PIK3AP1: variants seen among roughly 807,000 people sequenced by gnomAD.
The protein encoded by PIK3AP1 is phosphoinositide-3-kinase adaptor protein 1, also known as phosphoinositide 3-kinase adapter protein 1.
Under a neutral mutation model 88.1 loss-of-function variants are expected in PIK3AP1, and 21 were observed. The observed-to-expected ratio is 0.24, with a 90% CI of 0.17 to 0.34. The LOEUF (loss-of-function observed/expected upper bound fraction) is 0.34, where lower values mean the gene tolerates loss of function less well. Among genes scored for constraint, PIK3AP1 ranks in the 10% least tolerant of loss-of-function variants. The pLI, the probability that PIK3AP1 is intolerant of heterozygous loss-of-function variation, is 1.00. For missense variants in PIK3AP1, 828 were observed against 1,035.7 expected (o/e 0.80, Z 2.75); for synonymous variants, 398 against 400.0 (o/e 1.00, Z 0.06).
intron 2 of PIK3AP1, among the ~76,000 whole-genome samples, chr10:96,698,305 G>C (rs527999395): frequency 6.2e-4 from 95 of 152,118 alleles, no homozygotes; most frequent in African/African-American, 2.0e-3. Flanking sequence ...AACAAAGAAG[G>C]GGGGAGTGGG....
chr10:96,628,598 A>G, intron 8 of PIK3AP1, 105 bp from the exon 9 acceptor site: 1 of 915,778 alleles, frequency 1.1e-6, no homozygotes, highest in Non-Finnish European at 1.8e-6. Flanking sequence ...AAGAGATTCA[A>G]GCATTCATCA....
chr10:96,712,028 AC>A (rs1327352522), intron 1 of PIK3AP1, among the ~76,000 whole-genome samples: 1 of 151,804 alleles, frequency 6.6e-6, no homozygotes, highest in Non-Finnish European at 1.5e-5. Flanking sequence ...TGCTGGAATT[AC>A]AGGCGTGAGC....
Position 96,709,930 on chromosome 10 carries a change from A to G in PIK3AP1, c.67T>C (p.Trp23Arg). Reference sequence around the variant, plus strand: ...AACAGGGTCTGCAGGTACTGGCACCATTCCTCGGCATCCGGGCTGTAGACG... The same window carrying G: ...AACAGGGTCTGCAGGTACTGGCACCGTTCCTCGGCATCCGGGCTGTAGACG... ...LIVYSPDAEE[W>R]CQYLQTLFLS... The change falls in exon 2 of 17, where the codon TGG (tryptophan) becomes CGG (arginine). Residue 23 changes from tryptophan (W) to arginine (R), a missense_variant. By Grantham distance (101) the Trp-to-Arg change is moderately radical. Coordinates refer to ENST00000339364, the MANE Select transcript of PIK3AP1 (RefSeq NM_152309.3). 1 of 1,607,584 alleles carries G rather than the reference A, an allele frequency of 6.2e-7. No homozygotes were observed. Among genetic ancestry groups the G allele is most frequent in the Non-Finnish European group, 8.5e-7 (1 of 1,175,386 alleles).
intron 1 of PIK3AP1, among the ~76,000 whole-genome samples, chr10:96,717,031 G>C (rs1401396037): frequency 6.6e-6 from 1 of 152,146 alleles, no homozygotes; most frequent in Non-Finnish European, 1.5e-5. Flanking sequence ...GGAGGCTAAG[G>C]AGGGCAGATC....
chr10:96,673,994 C>T (rs1843883338), intron 2 of PIK3AP1, among the ~76,000 whole-genome samples: 1 of 152,168 alleles, frequency 6.6e-6, no homozygotes, highest in African/African-American at 2.4e-5. Context: ...GGGTAACTTT[C>T]TGTTCTCATC....
At chr10:96,624,855 A>C (rs1843133885) in intron 10 of PIK3AP1, among the ~76,000 whole-genome samples, 1 of 152,042 alleles carries the variant, frequency 6.6e-6, no homozygotes, top group Non-Finnish European at 1.5e-5. Context: ...TTGAGGAATC[A>C]CCTGTGCCCC....
chr10:96,654,508 G>A (rs1192591786), intron 3 of PIK3AP1, among the ~76,000 whole-genome samples: 3 of 152,150 alleles, frequency 2.0e-5, no homozygotes, highest in Non-Finnish European at 4.4e-5. Flanking sequence ...ATGTGCTGTG[G>A]TGGTCGTCCC....
intron 2 of PIK3AP1, among the ~76,000 whole-genome samples, chr10:96,697,295 T>G (rs1844234392): frequency 1.3e-5 from 2 of 152,204 alleles, no homozygotes; most frequent in South Asian, 4.1e-4. Flanking sequence ...CACATCACCC[T>G]AATGAAGCTA....
intron 2 of PIK3AP1, among the ~76,000 whole-genome samples, chr10:96,698,923 A>G (rs527947365): frequency 1.1e-4 from 17 of 152,286 alleles, no homozygotes; most frequent in Non-Finnish European, 2.2e-4. Context: ...CACGCCTGTA[A>G]TCCCAGCACT....
At chr10:96,683,386 T>A (rs1489047515) in intron 2 of PIK3AP1, among the ~76,000 whole-genome samples, 1 of 152,206 alleles carries the variant, frequency 6.6e-6, no homozygotes, top group Non-Finnish European at 1.5e-5. Context: ...TACAATGCTG[T>A]AAGAGAGGCC....
chr10:96,657,643 G>A (rs1428332169), intron 2 of PIK3AP1, among the ~76,000 whole-genome samples: 2 of 147,710 alleles, frequency 1.4e-5, no homozygotes, highest in Non-Finnish European at 3.0e-5. Flanking sequence ...CTACCTCTGA[G>A]GTTGTGTGCA....
intron 3 of PIK3AP1, 139 bp downstream of exon 3, chr10:96,656,659 A>G: frequency 8.2e-7 from 1 of 1,220,870 alleles, no homozygotes; most frequent in East Asian, 2.4e-5. Flanking sequence ...GTAACAGGGT[A>G]CTCAAAAGAA....
intron 10 of PIK3AP1, 95 bp downstream of exon 10, chr10:96,626,613 T>C (rs1023563676): frequency 5.3e-6 from 7 of 1,318,320 alleles, no homozygotes; most frequent in African/African-American, 1.5e-5. Flanking sequence ...AAGGGGATAG[T>C]CTCTGAGCAA....
chr10:96,651,589 C>A lies in PIK3AP1; in HGVS notation c.775G>T (p.Val259Phe), dbSNP rs374586750. ...TCCATGTCAGTATAATAGCTGATAACGGTTTCACACACCACTAAGTCTCCA... is the reference window on the plus strand; with the variant it reads ...TCCATGTCAGTATAATAGCTGATAAAGGTTTCACACACCACTAAGTCTCCA... ...YSGDLVVCET[V>F]ISYYTDMEEI... The change falls in exon 5 of 17, where the codon GTT becomes TTT. Residue 259 changes from valine (V) to phenylalanine (F), a missense_variant. Val to Phe is a conservative substitution (Grantham distance 50, BLOSUM62 -1). Coordinates refer to ENST00000339364, the MANE Select transcript of PIK3AP1 (RefSeq NM_152309.3). 1 of 1,613,952 alleles carries A rather than the reference C, an allele frequency of 6.2e-7. No homozygotes were observed. Among genetic ancestry groups the A allele is most frequent in the South Asian group, 1.1e-5 (1 of 91,090 alleles).
In PIK3AP1 at chr10:96,598,509, AAGTTCCT is replaced by A. The variant is rs1848823466; in HGVS notation, c.2361-2882_2361-2876del. Among the ~76,000 whole-genome samples, 3 of 152,226 alleles carry A rather than the reference AAGTTCCT, an allele frequency of 2.0e-5. No individual in the cohort carries two copies. In the South Asian group the frequency reaches 6.2e-4, roughly 32 times the overall value. Reference sequence around the variant, plus strand: ...TCACTTAACACAGTGAGTACCTTTTAAGTTCCTAGTATGTGCCACTTACTCTGCCAGG... The same window carrying A: ...TCACTTAACACAGTGAGTACCTTTTAAGTATGTGCCACTTACTCTGCCAGG... On this transcript the variant is annotated intron_variant, in intron 16 of 16. Coordinates refer to ENST00000339364, the MANE Select transcript of PIK3AP1 (RefSeq NM_152309.3).
At chr10:96,716,635 A>C (rs1464540694) in intron 1 of PIK3AP1, among the ~76,000 whole-genome samples, 1 of 152,110 alleles carries the variant, frequency 6.6e-6, no homozygotes, top group East Asian at 1.9e-4. Flanking sequence ...TTTGTCAGCA[A>C]CTCTGCCTTA....
chr10:96,639,706 C>G (rs1437983964), intron 8 of PIK3AP1, among the ~76,000 whole-genome samples: 1 of 152,192 alleles, frequency 6.6e-6, no homozygotes, highest in Non-Finnish European at 1.5e-5. Context: ...GGCCCACGGG[C>G]CTTGAAGCAT....
chr10:96,629,517 ATAAT>A (rs1451500098), intron 8 of PIK3AP1, among the ~76,000 whole-genome samples: 4 of 151,974 alleles, frequency 2.6e-5, no homozygotes, highest in African/African-American at 9.7e-5. Flanking sequence ...AATATACTAG[ATAAT>A]TAATATGCTA....
chr10:96,593,618 T>A lies in PIK3AP1; in HGVS notation c.*1959A>T, dbSNP rs1848708640. On this transcript the variant is annotated 3_prime_UTR_variant, in exon 17 of 17. Transcript: ENST00000339364. ...AAGTAACAGGGCAAGCATACCAACA[T>A]CAAAATTATTCTTCTTCTTATCTCA... is the stretch of plus-strand genomic sequence containing the variant. 1.3e-5 allele frequency: 2 copies of A among 151,768 alleles called. No homozygotes were observed. The highest frequency in any genetic ancestry group is 4.1e-4 in the South Asian group (2 of 4,820). The allele number at this position is 151,768 out of a possible 1,614,324, so 9.4% of individuals were successfully genotyped here. A position where few individuals can be genotyped will look rare whatever the true frequency, so the allele number is the denominator to read the frequency against.
Sources: gnomAD v4.1 joint callset for allele counts (sites outside exome capture counted in the v4.1 genomes callset) on GRCh38, gnomAD v4.1.1 for gene constraint, MANE v1.5 for transcripts, NCBI Gene and HGNC (gene_info 2026-07-23, HGNC 2026-07-21) for gene names.